Variants in KIAA1328 observed in about 807,000 individuals in gnomAD.
KIAA1328 encodes the protein protein hinderin.
KIAA1328 carries 52 observed loss-of-function variants against 68.1 expected under a neutral mutation model. The ratio of observed to expected loss-of-function variants is 0.76; its 90% CI spans 0.61 to 0.96. The LOEUF is 0.96. Ranked by LOEUF, KIAA1328 falls within the 40% of genes least tolerant of loss-of-function variation. KIAA1328 has a pLI of 0.00. For synonymous variants in KIAA1328, 232 were observed against 239.4 expected (o/e 0.97, Z 0.28); for missense variants, 641 against 677.6 (o/e 0.95, Z 0.60).
intron 7 of KIAA1328, among the ~76,000 whole-genome samples, chr18:37,143,521 CTTTTTTTTTTT>C (rs57046567): frequency 6.6e-5 from 6 of 90,772 alleles, no homozygotes; most frequent in East Asian, 7.5e-4. Flanking sequence ...TTTTTTCTTT[CTTTTTTTTTTT>C]TTTTTTTTTT....
intron 6 of KIAA1328, among the ~76,000 whole-genome samples, chr18:37,049,114 T>C (rs568735178): frequency 6.6e-6 from 1 of 152,352 alleles, no homozygotes; most frequent in African/African-American, 2.4e-5. Context: ...ATACATGGTC[T>C]GTGCCCTCAA....
intron 7 of KIAA1328, among the ~76,000 whole-genome samples, chr18:37,137,489 A>C (rs1440868813): frequency 6.6e-6 from 1 of 152,066 alleles, no homozygotes; most frequent in Non-Finnish European, 1.5e-5. Flanking sequence ...CTACTATATC[A>C]CTCAACTAAA....
At chr18:37,072,689 G>T (rs567104856) in intron 7 of KIAA1328, among the ~76,000 whole-genome samples, 1 of 151,938 alleles carries the variant, frequency 6.6e-6, no homozygotes, top group African/African-American at 2.4e-5. Context: ...TGTGCAGAGC[G>T]TACAGGTTTA....
chr18:37,004,356 A>C (rs1488608367), intron 6 of KIAA1328, among the ~76,000 whole-genome samples: 1 of 151,874 alleles, frequency 6.6e-6, no homozygotes, highest in African/African-American at 2.4e-5. Flanking sequence ...CAATCTATAC[A>C]TCTGACAGAG....
chr18:36,949,588 C>T (rs1312027922), intron 5 of KIAA1328, among the ~76,000 whole-genome samples: 1 of 70,136 alleles, frequency 1.4e-5, no homozygotes, highest in African/African-American at 4.6e-5. Flanking sequence ...AAGTCTGTTT[C>T]TACCCAGCTC....
chr18:37,216,501 G>A (rs965087817), intron 9 of KIAA1328, among the ~76,000 whole-genome samples: 3 of 152,106 alleles, frequency 2.0e-5, no homozygotes, highest in Non-Finnish European at 4.4e-5. Context: ...TTGCACCGTG[G>A]TTGTGATTTC....
At chr18:37,113,338 AG>A (rs1453267441) in intron 7 of KIAA1328, among the ~76,000 whole-genome samples, 1 of 152,192 alleles carries the variant, frequency 6.6e-6, no homozygotes, top group African/African-American at 2.4e-5. Context: ...GCCAGAAGAG[AG>A]TGGGGGCCAA....
intron 6 of KIAA1328, among the ~76,000 whole-genome samples, chr18:37,034,974 T>G (rs530921859): frequency 6.6e-6 from 1 of 152,244 alleles, no homozygotes; most frequent in Non-Finnish European, 1.5e-5. Context: ...ATTAGTTACC[T>G]ATAGACCACC....
intron 7 of KIAA1328, among the ~76,000 whole-genome samples, chr18:37,073,368 C>G (rs1398274949): frequency 6.6e-6 from 1 of 152,118 alleles, no homozygotes; most frequent in Non-Finnish European, 1.5e-5. Context: ...ACAGACACTT[C>G]TCAAAAGAAG....
At chr18:37,077,861 C>T (rs1489585198) in intron 7 of KIAA1328, among the ~76,000 whole-genome samples, 1 of 151,864 alleles carries the variant, frequency 6.6e-6, no homozygotes, top group Non-Finnish European at 1.5e-5. Flanking sequence ...ATTCCATGCT[C>T]ATGGGTAGGA....
chr18:37,000,325 A>G (rs1016084478), intron 6 of KIAA1328, among the ~76,000 whole-genome samples: 9 of 152,192 alleles, frequency 5.9e-5, no homozygotes, highest in South Asian at 2.1e-4. Flanking sequence ...CTGAATATGT[A>G]TGTATCCAAC....
chr18:37,013,485 C>T (rs1460529879), intron 6 of KIAA1328, among the ~76,000 whole-genome samples: 1 of 152,090 alleles, frequency 6.6e-6, no homozygotes, highest in Non-Finnish European at 1.5e-5. Flanking sequence ...GTTTTTCATA[C>T]TTTGCCCATC....
Position 37,223,942 on chromosome 18 carries a change from A to G in KIAA1328, c.*1715A>G. ...TAATCATTCCCTTAAAAAGTTGGAA[A>G]ATCATTACAGATTAAAATTTCTTTA... On this transcript the variant is annotated 3_prime_UTR_variant, in exon 10 of 10. Transcript: ENST00000280020. 1 of 985,114 alleles carries G rather than the reference A, an allele frequency of 1.0e-6. No homozygotes were observed. Among genetic ancestry groups the G allele is most frequent in the African/African-American group, 1.7e-5 (1 of 57,350 alleles). 61.0% of individuals were successfully genotyped at this position (985,114 alleles called of 1,614,324 possible).
chr18:37,221,910 G>A, intron 9 of KIAA1328, 107 bp from the exon 10 acceptor site: 1 of 1,095,692 alleles, frequency 9.1e-7, no homozygotes, highest in Non-Finnish European at 1.3e-6. Flanking sequence ...TGCATGATGT[G>A]ATCTGTAATC....
At chr18:37,105,910 CTG>C (rs2151886822) in intron 7 of KIAA1328, among the ~76,000 whole-genome samples, 1 of 48,028 alleles carries the variant, frequency 2.1e-5, no homozygotes, top group South Asian at 6.7e-4. Context: ...GAGCAAGACT[CTG>C]TGTCAAAAAA....
intron 5 of KIAA1328, among the ~76,000 whole-genome samples, chr18:36,913,414 A>T (rs1225105486): frequency 6.9e-6 from 1 of 144,474 alleles, no homozygotes; most frequent in African/African-American, 2.6e-5. Context: ...TTGGGGATTC[A>T]TTTTTTTTTT....
At chr18:37,011,090 A>G (rs1488537313) in intron 6 of KIAA1328, among the ~76,000 whole-genome samples, 2 of 152,190 alleles carry the variant, frequency 1.3e-5, no homozygotes, top group Non-Finnish European at 2.9e-5. Context: ...CACTGCAGAA[A>G]TTTAGGGGCT....
At chr18:37,065,191 A>G (rs1204589180) in intron 6 of KIAA1328, among the ~76,000 whole-genome samples, 3 of 152,232 alleles carry the variant, frequency 2.0e-5, no homozygotes, top group African/African-American at 7.2e-5. Context: ...TTCAATACAC[A>G]GAAGATTTTT....
At chr18:37,192,434 T>A (rs2059924446) in intron 9 of KIAA1328, among the ~76,000 whole-genome samples, 1 of 152,152 alleles carries the variant, frequency 6.6e-6, no homozygotes, top group African/African-American at 2.4e-5. Flanking sequence ...TGGATGTATA[T>A]CCATATGCAC....
Sources: allele counts gnomAD v4.1 joint callset (sites outside exome capture counted in the v4.1 genomes callset), GRCh38; gene constraint gnomAD v4.1.1; transcripts MANE v1.5; gene names NCBI Gene and HGNC (gene_info 2026-07-23, HGNC 2026-07-21).